The following NCKAP1 variants were observed in gnomAD, a reference collection of about 807,000 sequenced individuals.
NCKAP1 encodes nck-associated protein 1.
NCKAP1 carries 21 observed loss-of-function variants against 151.2 expected under a neutral mutation model. The ratio of observed to expected loss-of-function variants is 0.14; its 90% confidence interval spans 0.10 to 0.20. The LOEUF is 0.20. Among genes scored for constraint, NCKAP1 ranks in the 10% least tolerant of loss-of-function variants. The probability of loss-of-function intolerance (pLI) is 1.00; values close to 1 mark genes in which losing one functional copy is unlikely to be tolerated. For missense variants in NCKAP1, 933 were observed against 1,352.1 expected (o/e 0.69, Z 4.86); for synonymous variants, 484 against 451.8 (o/e 1.07, Z -0.90).
At chr2:182,982,623 T>C (rs1428245504) in intron 12 of NCKAP1, among the ~76,000 whole-genome samples, 198 bp downstream of exon 12, 1 of 152,134 alleles carries the variant, frequency 6.6e-6, no homozygotes, top group Non-Finnish European at 1.5e-5. Flanking sequence ...TTTGCCCAAC[T>C]GTAGGCTAAT....
At chr2:182,929,753 T>A in intron 27 of NCKAP1, among the ~76,000 whole-genome samples, 1 of 141,532 alleles carries the variant, frequency 7.1e-6, no homozygotes, top group East Asian at 1.9e-4. Flanking sequence ...CAAAATTGCA[T>A]TGTTAAATGA....
At chr2:183,019,515 T>C (rs1559108840) in intron 2 of NCKAP1, among the ~76,000 whole-genome samples, 1 of 152,164 alleles carries the variant, frequency 6.6e-6, no homozygotes, top group Non-Finnish European at 1.5e-5. Flanking sequence ...AAATAACAGA[T>C]TCCCCTCCAG....
intron 27 of NCKAP1, 122 bp from the exon 28 acceptor site, chr2:182,929,021 A>G: frequency 3.3e-6 from 2 of 609,336 alleles, no homozygotes; most frequent in Non-Finnish European, 5.7e-6. Context: ...GAAATAGTAA[A>G]CTATTTTACT....
At position 182,920,909 on chromosome 2, in the gene NCKAP1, A is replaced by G. The variant is rs1696541382; in HGVS notation, c.*4793T>C. The G allele has an allele frequency of 6.6e-6, 1 of 152,174 alleles. No homozygotes were observed. Among genetic ancestry groups the G allele is most frequent in the African/African-American group, 2.4e-5 (1 of 41,446 alleles). The allele number at this position is 152,174 out of a possible 1,614,324, so 9.4% of individuals were successfully genotyped here. The stretch of plus-strand genomic sequence containing the variant: ...ATGCATAAAAAAAAAATCAGAAATA[A>G]TGAAAGTAAACAAGGGCAACATTAT... On this transcript the variant is annotated 3_prime_UTR_variant, in exon 31 of 31. Coordinates refer to ENST00000361354, the MANE Select transcript of NCKAP1 (RefSeq NM_013436.5).
At chr2:183,001,250 C>T (rs181622018) in intron 6 of NCKAP1, among the ~76,000 whole-genome samples, 1 of 152,308 alleles carries the variant, frequency 6.6e-6, no homozygotes, top group Admixed American at 6.5e-5. Context: ...ACTGCTCCAG[C>T]CCTTAATCCT....
At chr2:182,962,896 G>A (rs914517442) in intron 17 of NCKAP1, among the ~76,000 whole-genome samples, 1 of 150,886 alleles carries the variant, frequency 6.6e-6, no homozygotes, top group South Asian at 2.1e-4. Context: ...GGCTGCAATC[G>A]TTTGATTGTT....
rs778091696 is a variant in NCKAP1, at chr2:182,964,735, C to A, written c.1702G>T (p.Ala568Ser). The A allele has an allele frequency of 3.7e-6, 6 of 1,610,464 alleles. No individual in the cohort carries two copies. The African/African-American group carries it at 5.3e-5, about 14-fold the overall frequency. Residue 568 changes from alanine (A) to serine (S), a missense_variant, in exon 17 of 31, where the codon GCA (alanine) becomes TCA (serine). Transcript: ENST00000361354. ...AAATGAGTGCAAAGTAGTGGAAATG[C>A]AATTGAGTATCTTGATTGAGAGGGT... The part of the protein sequence containing the change: ...ELPSQSRYSI[A>S]FPLLCTHFMS...
intron 9 of NCKAP1, among the ~76,000 whole-genome samples, chr2:182,988,256 A>G (rs1698096991): frequency 6.6e-6 from 1 of 152,172 alleles, no homozygotes; most frequent in African/African-American, 2.4e-5. Flanking sequence ...AAATATCTAG[A>G]AGTTTTATTT....
chr2:183,021,232 C>T (rs1471693458), intron 2 of NCKAP1, among the ~76,000 whole-genome samples: 1 of 152,102 alleles, frequency 6.6e-6, no homozygotes, highest in East Asian at 1.9e-4. Flanking sequence ...AAAGTAGAAA[C>T]AATCCAAACA....
intron 9 of NCKAP1, among the ~76,000 whole-genome samples, chr2:182,988,127 G>C (rs1057339119): frequency 2.0e-5 from 3 of 152,112 alleles, no homozygotes; most frequent in Non-Finnish European, 4.4e-5. Context: ...AGATAGAGGA[G>C]GTTAGAGGTG....
chr2:182,976,962 A>G lies in NCKAP1; in HGVS notation c.1424-11T>C. 1 of 1,471,674 alleles carries G rather than the reference A, an allele frequency of 6.8e-7. No homozygotes were observed. Among genetic ancestry groups the G allele is most frequent in the South Asian group, 1.3e-5 (1 of 76,228 alleles). 91.2% of individuals were successfully genotyped at this position (1,471,674 alleles called of 1,614,324 possible). A position where few individuals can be genotyped will look rare whatever the true frequency, so the allele number is the denominator to read the frequency against. The stretch of plus-strand genomic sequence containing the variant: ...CTTCCCCATCTTCAACTGTAGTAAT[A>G]GAAAAAAAAAAAAGATTACAAAGCA... On this transcript the variant is annotated splice_polypyrimidine_tract_variant and intron_variant, in intron 14 of 30. Transcript: ENST00000361354.
chr2:182,938,592 T>C (rs1559073410), intron 24 of NCKAP1, among the ~76,000 whole-genome samples: 1 of 151,994 alleles, frequency 6.6e-6, no homozygotes, highest in Non-Finnish European at 1.5e-5. Flanking sequence ...GTCAAAAAGT[T>C]TCAAAGTAAG....
At chr2:182,939,131 G>A (rs1269460949) in intron 24 of NCKAP1, among the ~76,000 whole-genome samples, 1 of 152,152 alleles carries the variant, frequency 6.6e-6, no homozygotes, top group Non-Finnish European at 1.5e-5. Context: ...TGGAATTAGG[G>A]AGTCAGTAAA....
At position 182,998,291 on chromosome 2, in the gene NCKAP1, G is replaced by A. The variant is rs116000432; in HGVS notation, c.604-2453C>T. ...ACAAGGGTGTCTGTACTCCTACCAT[G>A]TCTGTACTCCTACCACTTCTATTCA... On this transcript the variant is annotated intron_variant, in intron 6 of 30. Coordinates refer to ENST00000361354, the MANE Select transcript of NCKAP1 (RefSeq NM_013436.5). Among the ~76,000 whole-genome samples the A allele has an allele frequency of 6.8e-3, 1,027 of 152,088 alleles. 13 individuals are homozygous for A. Among genetic ancestry groups the A allele is most frequent in the African/African-American group, 0.024 (984 of 41,510 alleles).
At position 183,036,650 on chromosome 2, in the gene NCKAP1, G is replaced by T. The variant is rs1426052563; in HGVS notation, c.108+1342C>A. On this transcript the variant is annotated intron_variant, in intron 1 of 30. Coordinates refer to ENST00000361354, the MANE Select transcript of NCKAP1 (RefSeq NM_013436.5). ...GCATGTTGCAGTTACTCTCCAGATA[G>T]CACTGGGTTTAGAGTAATAAAGCCT... 4.6e-5 allele frequency among the ~76,000 whole-genome samples: 7 copies of T among 152,076 alleles called. No homozygotes were observed. In the East Asian group the frequency reaches 1.3e-3, roughly 29 times the overall value.
At chr2:182,935,465 G>A in intron 24 of NCKAP1, 90 bp from the exon 25 acceptor site, 1 of 679,562 alleles carries the variant, frequency 1.5e-6, no homozygotes, top group Non-Finnish European at 2.3e-6. Context: ...ATTTATTAAA[G>A]TAATAAAATT....
intron 15 of NCKAP1, among the ~76,000 whole-genome samples, chr2:182,974,075 C>G (rs115198087): frequency 1.3e-5 from 2 of 151,984 alleles, no homozygotes; most frequent in Non-Finnish European, 2.9e-5. Flanking sequence ...CTGTATCCTA[C>G]AGTCTAATCT....
intron 8 of NCKAP1, among the ~76,000 whole-genome samples, chr2:182,992,985 T>C (rs547590996): frequency 8.5e-5 from 13 of 152,268 alleles, no homozygotes; most frequent in African/African-American, 3.1e-4. Context: ...CAAAAAATAT[T>C]AAAGAAGAAA....
At chr2:182,967,922 A>T (rs1045982161) in intron 15 of NCKAP1, among the ~76,000 whole-genome samples, 1 of 152,310 alleles carries the variant, frequency 6.6e-6, no homozygotes, top group Admixed American at 6.5e-5. Context: ...GGGGAAAAAA[A>T]TTCTACAACT....
Sources: gnomAD v4.1 joint callset for allele counts (sites outside exome capture counted in the v4.1 genomes callset) on GRCh38, gnomAD v4.1.1 for gene constraint, MANE v1.5 for transcripts, NCBI Gene and HGNC (gene_info 2026-07-23, HGNC 2026-07-21) for gene names.